The following TLL2 variants were observed in gnomAD, a reference collection of about 807,000 sequenced individuals.
The protein encoded by TLL2 is tolloid-like protein 2.
TLL2 carries 106 observed loss-of-function variants against 123.0 expected under a neutral mutation model. That is an observed-to-expected ratio of 0.86 (90% CI 0.74 to 1.01). TLL2 has a LOEUF of 1.01. Ranked by LOEUF, TLL2 falls within the 50% of genes least tolerant of loss-of-function variation. TLL2 has a pLI of 0.00. For synonymous variants in TLL2, 494 were observed against 516.8 expected (o/e 0.96, Z 0.60); for missense variants, 1,332 against 1,336.7 (o/e 1.00, Z 0.06).
At chr10:96,374,545 G>C (rs1399413265) in intron 18 of TLL2, 1 of 152,262 alleles carries the variant, frequency 6.6e-6, no homozygotes, top group South Asian at 2.1e-4. Flanking sequence ...GCATTTATGC[G>C]CATTTTCTCT....
At chr10:96,494,474 G>A (rs1020865128) in intron 1 of TLL2, among the ~76,000 whole-genome samples, 1 of 152,198 alleles carries the variant, frequency 6.6e-6, no homozygotes, top group Non-Finnish European at 1.5e-5. Flanking sequence ...AAACACCCGG[G>A]TTTTATCCGA....
chr10:96,420,910 C>T (rs749664055), intron 7 of TLL2, 46 bp downstream of exon 7: 15 of 1,573,316 alleles, frequency 9.5e-6, no homozygotes, highest in Admixed American at 3.3e-5. Flanking sequence ...CCAAGCCTGC[C>T]GCAGGCACAG....
chr10:96,384,569 A>C lies in TLL2; in HGVS notation c.2194+18T>G. 1.3e-6 allele frequency: 2 copies of C among 1,556,484 alleles called. No homozygotes were observed. Among genetic ancestry groups the C allele is most frequent in the Admixed American group, 1.8e-5 (1 of 55,922 alleles). On this transcript the variant is annotated intron_variant, in intron 16 of 20. Transcript: ENST00000357947. ...GCCTCACTCGCGCTGCATCAGCCTC[A>C]CCTCTGAACCCGCATACCTGAGAAG... is the stretch of plus-strand genomic sequence containing the variant.
chr10:96,406,981 A>T (rs983092253), intron 9 of TLL2, among the ~76,000 whole-genome samples: 23 of 151,544 alleles, frequency 1.5e-4, no homozygotes, highest in Non-Finnish European at 3.4e-4. Flanking sequence ...GATTGCTCCC[A>T]CACGATTCCT....
chr10:96,403,655 G>C (rs1036480942), intron 10 of TLL2, among the ~76,000 whole-genome samples: 1 of 152,158 alleles, frequency 6.6e-6, no homozygotes, highest in African/African-American at 2.4e-5. Context: ...CGTGGGATGA[G>C]AAAGACCTGA....
At chr10:96,429,343 A>C (rs1846712757) in intron 4 of TLL2, among the ~76,000 whole-genome samples, 2 of 135,156 alleles carry the variant, frequency 1.5e-5, no homozygotes, top group South Asian at 4.9e-4. Flanking sequence ...TACAATTTTT[A>C]TTTGTCAATT....
chr10:96,488,277 G>A (rs1038671121), intron 1 of TLL2, among the ~76,000 whole-genome samples: 2 of 152,192 alleles, frequency 1.3e-5, no homozygotes, highest in African/African-American at 2.4e-5. Flanking sequence ...TGATCCCTTT[G>A]GGAGGCACTG....
Position 96,476,875 on chromosome 10 carries a change from C to CACACACACACAG in TLL2, c.286+3473_286+3474insCTGTGTGTGTGT, listed in dbSNP as rs1554939727. 4.2e-3 allele frequency among the ~76,000 whole-genome samples: 612 copies of CACACACACACAG among 144,518 alleles called. 6 individuals are homozygous for CACACACACACAG. Among genetic ancestry groups the CACACACACACAG allele is most frequent in the East Asian group, 0.024 (117 of 4,778 alleles). The allele number at this position is 144,518 out of a possible 152,430, so 94.8% of individuals were successfully genotyped here. A position where few individuals can be genotyped will look rare whatever the true frequency, so the allele number is the denominator to read the frequency against. On this transcript the variant is annotated intron_variant, in intron 2 of 20. Coordinates refer to ENST00000357947, the MANE Select transcript of TLL2 (RefSeq NM_012465.4). Reference sequence around the variant, plus strand: ...TTTATGTTACACACACACACACACACACACACACACACACACACACACGCA... The same window carrying CACACACACACAG: ...TTTATGTTACACACACACACACACACACACACACACAGACACACACACACACACACACACGCA...
chr10:96,370,156 T>C lies in TLL2; in HGVS notation c.2822A>G (p.Glu941Gly). 6.2e-7 allele frequency: 1 copy of C among 1,614,084 alleles called. No homozygotes were observed. The highest frequency in any genetic ancestry group is 8.5e-7 in the Non-Finnish European group (1 of 1,179,980). ...GTCGTAGCCGCAGTCGGCCTCCTCC[T>C]CAACCTCAAAGGTCCGGAATGTCAG... ...VELTFRTFEV[E>G]EEADCGYDYM... Residue 941 changes from glutamate to glycine, a missense_variant, in exon 20 of 21, where the codon GAG (glutamate) becomes GGG (glycine). Physicochemically the swap from Glu to Gly is moderately conservative, Grantham distance 98. Transcript: ENST00000357947.
At chr10:96,408,965 T>C (rs893541953) in intron 9 of TLL2, among the ~76,000 whole-genome samples, 1 of 152,246 alleles carries the variant, frequency 6.6e-6, no homozygotes. Context: ...ATGATCCACA[T>C]GATATGCTAA....
chr10:96,429,483 T>G lies in TLL2; in HGVS notation c.521-735A>C, dbSNP rs570333126. Among the ~76,000 whole-genome samples the G allele has an allele frequency of 1.1e-4, 16 of 152,206 alleles. 1 individual carries two copies. The South Asian group carries it at 2.9e-3, about 28-fold the overall frequency. On this transcript the variant is annotated intron_variant, in intron 4 of 20. Coordinates refer to ENST00000357947, the MANE Select transcript of TLL2 (RefSeq NM_012465.4). Reference sequence around the variant, plus strand: ...CTGCCAAAACCTAGAGAGTAGGAGTTTGTGGATTGGAAGGGAGGGTAAAAA... The same window carrying G: ...CTGCCAAAACCTAGAGAGTAGGAGTGTGTGGATTGGAAGGGAGGGTAAAAA...
intron 2 of TLL2, among the ~76,000 whole-genome samples, chr10:96,462,631 C>T (rs747989096): frequency 9.9e-5 from 15 of 152,214 alleles, no homozygotes; most frequent in African/African-American, 1.7e-4. Flanking sequence ...CCGATAGATA[C>T]ATAACCTTGT....
In TLL2 at chr10:96,513,674, C is replaced by T. The variant is rs920599168; in HGVS notation, c.12G>A (p.Ala4=). Residue 4 remains alanine (A), a synonymous_variant, in exon 1 of 21, where the codon GCG becomes GCA. Transcript: ENST00000357947. The part of the protein sequence containing the change: MPR[A]TALGALVSLL... ...GTGACACCAGGGCCCCAAGTGCAGT[C>T]GCCCGGGGCATGGTGGCGCGGGGCC... 9 of 1,552,974 alleles carry T rather than the reference C, an allele frequency of 5.8e-6. No homozygotes were observed. The African/African-American group carries it at 1.2e-4, about 21-fold the overall frequency.
intron 13 of TLL2, among the ~76,000 whole-genome samples, chr10:96,393,329 A>G (rs1208212362): frequency 6.6e-6 from 1 of 152,260 alleles, no homozygotes. Context: ...TCCAGAAAGA[A>G]TAACCACTTC....
chr10:96,374,198 G>T, intron 18 of TLL2: 1 of 220,246 alleles, frequency 4.5e-6, no homozygotes, highest in Non-Finnish European at 9.0e-6. Context: ...AGGGCTAAGA[G>T]CCAGCAAGGG....
intron 2 of TLL2, among the ~76,000 whole-genome samples, chr10:96,463,423 G>T (rs1017699182): frequency 6.6e-6 from 1 of 152,196 alleles, no homozygotes; most frequent in African/African-American, 2.4e-5. Flanking sequence ...TGAAGCTGGG[G>T]CTCATGACCT....
At chr10:96,404,188 T>C (rs972054240) in intron 10 of TLL2, among the ~76,000 whole-genome samples, 3 of 152,362 alleles carry the variant, frequency 2.0e-5, no homozygotes, top group Admixed American at 6.5e-5. Flanking sequence ...ACTTTGTCTC[T>C]GTGTCTTATT....
chr10:96,411,257 CAAAAAAAAAAAAAAAAAAAAAAAA>C (rs56011735), intron 8 of TLL2, among the ~76,000 whole-genome samples: 46 of 95,160 alleles, frequency 4.8e-4, no homozygotes, highest in East Asian at 7.5e-4. Context: ...GACTCTGTCT[CAAAAAAAAAAAAAAAAAAAAAAAA>C]AAAAAAAAAA....
At chr10:96,463,681 C>A (rs1847102738) in intron 2 of TLL2, among the ~76,000 whole-genome samples, 1 of 152,194 alleles carries the variant, frequency 6.6e-6, no homozygotes, top group Non-Finnish European at 1.5e-5. Flanking sequence ...TGCTGGGCCA[C>A]CAGTGCACCC....
Sources: gnomAD v4.1 joint callset for allele counts (sites outside exome capture counted in the v4.1 genomes callset) on GRCh38, gnomAD v4.1.1 for gene constraint, MANE v1.5 for transcripts, NCBI Gene and HGNC (gene_info 2026-07-23, HGNC 2026-07-21) for gene names.